Variants in NMNAT1 observed in about 807,000 individuals in gnomAD.
The protein encoded by NMNAT1 is nicotinamide nucleotide adenylyltransferase 1.
In NMNAT1, 11 loss-of-function variants were observed where a neutral mutation model predicts 16.7. The ratio of observed to expected loss-of-function variants is 0.66; its 90% CI spans 0.41 to 1.09. The LOEUF (loss-of-function observed/expected upper bound fraction) is 1.09, where lower values mean the gene tolerates loss of function less well. Ranked by LOEUF, NMNAT1 falls within the 50% of genes least tolerant of loss-of-function variation. The probability of loss-of-function intolerance (pLI) is 0.00; values close to 1 mark genes in which losing one functional copy is unlikely to be tolerated. For missense variants in NMNAT1, 280 were observed against 332.3 expected (o/e 0.84, Z 1.22); for synonymous variants, 110 against 119.8 (o/e 0.92, Z 0.53).
chr1:9,953,621 A>G (rs1435351660), intron 1 of NMNAT1, among the ~76,000 whole-genome samples: 1 of 151,264 alleles, frequency 6.6e-6, no homozygotes, highest in Non-Finnish European at 1.5e-5. Context: ...TTGTATTTTT[A>G]GTAGAGACAG....
chr1:9,955,605 C>G (rs1041944884), intron 1 of NMNAT1, among the ~76,000 whole-genome samples: 1 of 151,910 alleles, frequency 6.6e-6, no homozygotes, highest in African/African-American at 2.4e-5. Flanking sequence ...AACTCCATCT[C>G]AAAAAACAAA....
chr1:9,994,687 A>G, the NMNAT1 span, among the ~76,000 whole-genome samples: 1 of 144,364 alleles, frequency 6.9e-6, no homozygotes, highest in Admixed American at 7.1e-5. Context: ...ATCTCGGCTC[A>G]CTGCAAGCTC....
chr1:9,956,685 A>T (rs527923878), intron 1 of NMNAT1, among the ~76,000 whole-genome samples: 18 of 149,000 alleles, frequency 1.2e-4, no homozygotes, highest in Non-Finnish European at 2.4e-4. Flanking sequence ...GGCCTCCCAA[A>T]GTGCTTGGAT....
At chr1:9,991,525 T>A in the NMNAT1 span, among the ~76,000 whole-genome samples, 2 of 152,028 alleles carry the variant, frequency 1.3e-5, no homozygotes, top group Non-Finnish European at 2.9e-5. Context: ...ATGGGCAAGG[T>A]GATGTCACTC....
chr1:9,991,310 C>T, the NMNAT1 span, among the ~76,000 whole-genome samples: 1 of 151,926 alleles, frequency 6.6e-6, no homozygotes, highest in Non-Finnish European at 1.5e-5. Context: ...CTCAGCCTCC[C>T]CAGTAGCTGG....
chr1:9,976,694 G>A lies in NMNAT1; in HGVS notation c.299+919G>A, dbSNP rs369118865. The stretch of plus-strand genomic sequence containing the variant: ...GGCTGGAGTGCAGTGGTGCATTCTC[G>A]GCTCACTGCGACCTCTGCCTCCTGG... On this transcript the variant is annotated intron_variant, in intron 3 of 4. Transcript: ENST00000377205. Among the ~76,000 whole-genome samples, 111 of 151,748 alleles carry A rather than the reference G, an allele frequency of 7.3e-4. 1 individual carries two copies. Among genetic ancestry groups the A allele is most frequent in the African/African-American group, 2.4e-3 (99 of 41,378 alleles).
chr1:9,973,825 A>T (rs1161064805), intron 2 of NMNAT1, among the ~76,000 whole-genome samples: 1 of 148,864 alleles, frequency 6.7e-6, no homozygotes, highest in African/African-American at 2.5e-5. Flanking sequence ...GGAGTTTGAG[A>T]TCAGCCTGGC....
chr1:9,994,103 T>C, the NMNAT1 span, among the ~76,000 whole-genome samples: 4 of 8,932 alleles, frequency 4.5e-4, no homozygotes, highest in Non-Finnish European at 6.6e-3. Flanking sequence ...AATGTTAGCT[T>C]TTTTTTTTTT....
At chr1:9,962,942 A>G (rs539409377) in intron 1 of NMNAT1, among the ~76,000 whole-genome samples, 1 of 152,150 alleles carries the variant, frequency 6.6e-6, no homozygotes, top group East Asian at 1.9e-4. Flanking sequence ...CGGCCTCCCA[A>G]AGTGCTGGGA....
intron 1 of NMNAT1, among the ~76,000 whole-genome samples, chr1:9,948,610 A>G (rs1308674390): frequency 6.6e-6 from 1 of 151,568 alleles, no homozygotes; most frequent in Non-Finnish European, 1.5e-5. Flanking sequence ...TGACATTGGG[A>G]CCATTTGTGA....
chr1:9,970,798 G>T (rs1443519104), intron 1 of NMNAT1, among the ~76,000 whole-genome samples: 1 of 152,090 alleles, frequency 6.6e-6, no homozygotes, highest in Non-Finnish European at 1.5e-5. Flanking sequence ...AAAGAGGTTT[G>T]TAAATTATAT....
upstream of NMNAT1, chr1:9,942,960 T>G: frequency 2.8e-6 from 1 of 352,268 alleles, no homozygotes; most frequent in South Asian, 2.1e-5. Flanking sequence ...CGAGAGGGTC[T>G]TTGAGGAAAA....
intron 1 of NMNAT1, among the ~76,000 whole-genome samples, chr1:9,957,503 C>T (rs1641293839): frequency 6.6e-6 from 1 of 151,892 alleles, no homozygotes; most frequent in African/African-American, 2.4e-5. Flanking sequence ...CCATGTTGGC[C>T]AGGCTGGTCT....
intron 2 of NMNAT1, 89 bp from the exon 3 acceptor site, chr1:9,975,502 CA>C (rs1327661223): frequency 3.3e-5 from 37 of 1,117,562 alleles, no homozygotes; most frequent in South Asian, 2.4e-4. Flanking sequence ...TCTCAAAAAA[CA>C]AAACAAAACA....
chr1:9,958,341 TTCTA>T (rs1362541996), intron 1 of NMNAT1, among the ~76,000 whole-genome samples: 1 of 152,182 alleles, frequency 6.6e-6, no homozygotes, highest in African/African-American at 2.4e-5. Context: ...TCTAATAAAA[TTCTA>T]TCTAATAATA....
At chr1:9,945,962 C>T (rs1267391711) in intron 1 of NMNAT1, among the ~76,000 whole-genome samples, 1 of 152,064 alleles carries the variant, frequency 6.6e-6, no homozygotes, top group African/African-American at 2.4e-5. Context: ...TCATGTTGCC[C>T]AGGCTGGTTT....
chr1:9,966,506 A>G (rs1040968855), intron 1 of NMNAT1, among the ~76,000 whole-genome samples: 1 of 151,094 alleles, frequency 6.6e-6, no homozygotes, highest in East Asian at 2.0e-4. Flanking sequence ...TTAGCTACTC[A>G]GGAGGCTGAG....
downstream of NMNAT1, among the ~76,000 whole-genome samples, chr1:9,986,315 G>A (rs1223601480): frequency 6.6e-6 from 1 of 152,198 alleles, no homozygotes; most frequent in Non-Finnish European, 1.5e-5. Flanking sequence ...ATCTACACCT[G>A]TTTTGTTTTG....
intron 1 of NMNAT1, among the ~76,000 whole-genome samples, chr1:9,970,942 CAT>C (rs1385297204): frequency 6.6e-6 from 1 of 152,118 alleles, no homozygotes; most frequent in African/African-American, 2.4e-5. Flanking sequence ...ACTTGAGTGA[CAT>C]ATGATAATGA....
Sources: allele counts gnomAD v4.1 joint callset (sites outside exome capture counted in the v4.1 genomes callset), GRCh38; gene constraint gnomAD v4.1.1; transcripts MANE v1.5; gene names NCBI Gene and HGNC (gene_info 2026-07-23, HGNC 2026-07-21).